PLB1: variants seen among roughly 807,000 people sequenced by gnomAD.
PLB1 encodes the protein phospholipase B1.
In PLB1, 242 loss-of-function variants were observed where a neutral mutation model predicts 227.4. That is an observed-to-expected ratio of 1.06 (90% CI 0.96 to 1.18). The LOEUF (loss-of-function observed/expected upper bound fraction) is 1.18, where lower values mean the gene tolerates loss of function less well. Ranked by LOEUF, PLB1 falls within the 50% of genes most tolerant of loss-of-function variation. The pLI is 0.00. For synonymous variants in PLB1, 757 were observed against 682.2 expected, an observed-to-expected ratio of 1.11 and a Z score of -1.71; for missense variants, 1,858 against 1,816.3, an observed-to-expected ratio of 1.02 and a Z score of -0.42.
intron 8 of PLB1, among the ~76,000 whole-genome samples, chr2:28,530,908 A>G (rs1392582171): frequency 6.6e-6 from 1 of 152,238 alleles, no homozygotes; most frequent in African/African-American, 2.4e-5. Flanking sequence ...ATTATTCTAT[A>G]AAATAGAGAA....
chr2:28,599,267 G>A (rs1225998810), intron 35 of PLB1, among the ~76,000 whole-genome samples: 1 of 152,230 alleles, frequency 6.6e-6, no homozygotes, highest in East Asian at 1.9e-4. Flanking sequence ...AAGAGCAACT[G>A]CCCAGCCTCC....
intron 17 of PLB1, among the ~76,000 whole-genome samples, chr2:28,556,436 T>C (rs1675138161): frequency 1.3e-5 from 2 of 152,186 alleles, no homozygotes; most frequent in African/African-American, 4.8e-5. Flanking sequence ...TGGTATTGGG[T>C]AGCCAGTAAA....
intron 1 of PLB1, among the ~76,000 whole-genome samples, chr2:28,514,072 G>A (rs1374452098): frequency 1.3e-5 from 2 of 152,194 alleles, no homozygotes; most frequent in African/African-American, 2.4e-5. Flanking sequence ...AGAGTGCTGA[G>A]TATATTAGCT....
intron 34 of PLB1, 130 bp downstream of exon 34, chr2:28,598,178 G>A: frequency 2.6e-6 from 2 of 769,294 alleles, no homozygotes; most frequent in East Asian, 2.6e-5. Flanking sequence ...GTAGGAGACA[G>A]GAGGCTATGA....
At chr2:28,543,581 G>A (rs761136169) in intron 14 of PLB1, among the ~76,000 whole-genome samples, 2 of 152,234 alleles carry the variant, frequency 1.3e-5, no homozygotes, top group Non-Finnish European at 2.9e-5. Context: ...CAAGCACTGG[G>A]GAATGTGCTC....
chr2:28,594,043 C>A (rs1682480291), intron 33 of PLB1: 2 of 697,816 alleles, frequency 2.9e-6, no homozygotes, highest in Non-Finnish European at 5.5e-6. Flanking sequence ...AGAAAAGCAC[C>A]AAATCCCTGA....
chr2:28,535,023 A>G lies in PLB1; in HGVS notation c.555+2829A>G, dbSNP rs561740614. Reference sequence around the variant, plus strand: ...CATATTTCCACCAGTGGCAGTGAGCACCTATTCTCTACAACCTTCCCAACA... The same window carrying G: ...CATATTTCCACCAGTGGCAGTGAGCGCCTATTCTCTACAACCTTCCCAACA... On this transcript the variant is annotated intron_variant, in intron 9 of 57. Coordinates refer to ENST00000327757, the MANE Select transcript of PLB1 (RefSeq NM_153021.5). Among the ~76,000 whole-genome samples, 4 of 152,266 alleles carry G rather than the reference A, an allele frequency of 2.6e-5. No homozygotes were observed. In the East Asian group the frequency reaches 5.8e-4, roughly 22 times the overall value.
intron 1 of PLB1, among the ~76,000 whole-genome samples, chr2:28,504,957 C>T (rs947224171): frequency 2.0e-5 from 3 of 152,092 alleles, no homozygotes; most frequent in Non-Finnish European, 2.9e-5. Context: ...TCTTTGAGGC[C>T]TAGGATGAAG....
chr2:28,518,610 T>G (rs1403287307), intron 3 of PLB1, 78 bp downstream of exon 3: 1 of 1,098,596 alleles, frequency 9.1e-7, no homozygotes, highest in East Asian at 2.4e-5. Flanking sequence ...CTAACCCTAT[T>G]CTTCTTGGAC....
intron 56 of PLB1, chr2:28,633,437 C>T: frequency 5.2e-6 from 1 of 193,300 alleles, no homozygotes. Context: ...AGGTCTCAGA[C>T]AACGCATTGA....
intron 17 of PLB1, among the ~76,000 whole-genome samples, chr2:28,556,476 G>C (rs150500717): frequency 5.1e-4 from 78 of 152,266 alleles, no homozygotes; most frequent in Middle Eastern, 3.4e-3. Context: ...TTTCCTCCTA[G>C]TCAGCACATA....
intron 23 of PLB1, 61 bp downstream of exon 23, chr2:28,579,768 C>T: frequency 7.1e-7 from 1 of 1,410,976 alleles, no homozygotes; most frequent in Non-Finnish European, 1.0e-6. Flanking sequence ...ACAGCCCGGT[C>T]ACTTGCTCTG....
Position 28,632,048 on chromosome 2 carries a change from A to G in PLB1, c.3910A>G (p.Ser1304Gly). ...TCTCTGTCCCCAGCATGGCATCTCC[A>G]GTTTCTCCTACTGGCACCAATACAC... The part of the protein sequence containing the change: ...VNWNLQHGIS[S>G]FSYWHQYTQR... Residue 1304 changes from serine to glycine, a missense_variant, in exon 55 of 58, where the codon AGT (serine) becomes GGT (glycine). Coordinates refer to ENST00000327757, the MANE Select transcript of PLB1 (RefSeq NM_153021.5). The G allele has an allele frequency of 6.2e-7, 1 of 1,613,828 alleles. No homozygotes were observed. Among genetic ancestry groups the G allele is most frequent in the South Asian group, 1.1e-5 (1 of 91,076 alleles).
intron 9 of PLB1, among the ~76,000 whole-genome samples, chr2:28,533,957 ATATG>A: frequency 6.6e-6 from 1 of 152,332 alleles, no homozygotes; most frequent in South Asian, 2.1e-4. Context: ...TAAAGCTAAA[ATATG>A]TATCCTTTTG....
intron 25 of PLB1, among the ~76,000 whole-genome samples, chr2:28,582,881 T>C (rs1680280471): frequency 6.6e-6 from 1 of 152,124 alleles, no homozygotes; most frequent in Non-Finnish European, 1.5e-5. Flanking sequence ...CCAGAGCTGA[T>C]CTGCCCCCTC....
intron 20 of PLB1, among the ~76,000 whole-genome samples, chr2:28,569,023 C>A (rs570780888): frequency 6.6e-6 from 1 of 152,136 alleles, no homozygotes; most frequent in African/African-American, 2.4e-5. Context: ...GAATAGAAAT[C>A]GGAGCAATTT....
intron 26 of PLB1, among the ~76,000 whole-genome samples, chr2:28,588,894 G>T (rs1016800718): frequency 6.6e-6 from 1 of 152,118 alleles, no homozygotes; most frequent in Non-Finnish European, 1.5e-5. Context: ...GGCCAGGCGC[G>T]GTGGCTCGCA....
Position 28,541,801 on chromosome 2 carries a change from C to T in PLB1, c.869C>T (p.Ser290Phe), listed in dbSNP as rs1280640335. The T allele has an allele frequency of 5.0e-6, 8 of 1,607,786 alleles. No homozygotes were observed. Among genetic ancestry groups the T allele is most frequent in the Non-Finnish European group, 6.8e-6 (8 of 1,176,480 alleles). Residue 290 changes from serine (S) to phenylalanine (F), a missense_variant, in exon 13 of 58, where the codon TCT becomes TTT. Coordinates refer to ENST00000327757, the MANE Select transcript of PLB1 (RefSeq NM_153021.5). ...CCTTTCTTCTATGAGACCACCCCAT[C>T]TCTACACTCGGTAAGTGGGGGCTGC... ...FQPFFYETTP[S>F]LHSEDPRLQD...
chr2:28,582,065 C>G lies in PLB1; in HGVS notation c.1567-3C>G, dbSNP rs201319699. ...GTTCAAGGGACACTTCCTCTTCCTG[C>G]AGGTCCACTATTCTCCCCAGAACTT... On this transcript the variant is annotated splice_polypyrimidine_tract_variant and splice_region_variant and intron_variant, in intron 23 of 57. Transcript: ENST00000327757. The G allele has an allele frequency of 3.5e-4, 567 of 1,612,350 alleles. 1 individual carries two copies. Among genetic ancestry groups the G allele is most frequent in the Middle Eastern group, 2.8e-3 (17 of 6,056 alleles).
Sources: gnomAD v4.1 joint callset for allele counts (sites outside exome capture counted in the v4.1 genomes callset) on GRCh38, gnomAD v4.1.1 for gene constraint, MANE v1.5 for transcripts, NCBI Gene and HGNC (gene_info 2026-07-23, HGNC 2026-07-21) for gene names.